The following GPNMB variants were observed in gnomAD, a reference collection of about 807,000 sequenced individuals.
GPNMB encodes transmembrane glycoprotein NMB.
Under a neutral mutation model 57.3 loss-of-function variants are expected in GPNMB, and 71 were observed. The observed-to-expected ratio is 1.24, with a 90% CI of 1.02 to 1.51. The LOEUF (loss-of-function observed/expected upper bound fraction) is 1.51. Among genes scored for constraint, GPNMB ranks in the 40% most tolerant of loss-of-function variants. GPNMB has a pLI of 0.00. For missense variants in GPNMB, 677 were observed against 691.9 expected (o/e 0.98, Z 0.24); for synonymous variants, 253 against 263.2 (o/e 0.96, Z 0.38).
chr7:23,265,291 G>A (rs1454126521), intron 6 of GPNMB, among the ~76,000 whole-genome samples: 1 of 152,230 alleles, frequency 6.6e-6, no homozygotes, highest in Admixed American at 6.5e-5. Flanking sequence ...ATGTCACTAA[G>A]TTAGAGATGC....
chr7:23,256,199 C>T, intron 3 of GPNMB, among the ~76,000 whole-genome samples: 1 of 152,182 alleles, frequency 6.6e-6, no homozygotes, highest in East Asian at 1.9e-4. Context: ...AGCCACTGCA[C>T]CCAGCCTAAA....
At chr7:23,271,833 T>A (rs913397704) in intron 9 of GPNMB, among the ~76,000 whole-genome samples, 8 of 151,750 alleles carry the variant, frequency 5.3e-5, no homozygotes, top group Middle Eastern at 3.4e-3. Flanking sequence ...AAAAAAAAAA[T>A]TTTCTCATTA....
chr7:23,252,793 A>C (rs1782689011), intron 1 of GPNMB, among the ~76,000 whole-genome samples: 1 of 152,188 alleles, frequency 6.6e-6, no homozygotes, highest in Non-Finnish European at 1.5e-5. Flanking sequence ...CACTCTACCC[A>C]ACAAATGTAG....
chr7:23,265,264 C>T (rs1783030575), intron 6 of GPNMB, among the ~76,000 whole-genome samples: 1 of 152,152 alleles, frequency 6.6e-6, no homozygotes. Flanking sequence ...GGAAATCTCC[C>T]AGCCTGCTTC....
chr7:23,255,263 C>T (rs529261248), intron 3 of GPNMB, among the ~76,000 whole-genome samples: 4 of 152,126 alleles, frequency 2.6e-5, no homozygotes, highest in African/African-American at 7.2e-5. Flanking sequence ...GTGGTCCGCC[C>T]GCCTCGGTCT....
At position 23,259,978 on chromosome 7, in the gene GPNMB, A is replaced by G. The variant is rs1224374472; in HGVS notation, c.542-2A>G. 1 of 1,613,976 alleles carries G rather than the reference A, an allele frequency of 6.2e-7. No homozygotes were observed. The highest frequency in any genetic ancestry group is 1.1e-5 in the South Asian group (1 of 91,070). ...TAACTAAAAATTTCCATCCTCCCAA[A>G]GGTCAGTATTTCCAGAAATTGGGAC... On this transcript the variant is annotated splice_acceptor_variant, in intron 4 of 10. Coordinates refer to ENST00000258733, the MANE Select transcript of GPNMB (RefSeq NM_002510.3). LOFTEE classifies it high-confidence loss of function.
At chr7:23,248,843 G>T (rs1056531313) in intron 1 of GPNMB, among the ~76,000 whole-genome samples, 3 of 151,570 alleles carry the variant, frequency 2.0e-5, no homozygotes, top group African/African-American at 7.3e-5. Flanking sequence ...GAGTGCAGTG[G>T]TGTGATCACA....
chr7:23,272,767 G>A (rs748673565), intron 9 of GPNMB, among the ~76,000 whole-genome samples: 2 of 152,012 alleles, frequency 1.3e-5, no homozygotes, highest in African/African-American at 2.4e-5. Flanking sequence ...GTTCTAGATC[G>A]AGTAGAAACC....
chr7:23,264,489 C>T lies in GPNMB; in HGVS notation c.1019-2028C>T, dbSNP rs149630340. ...CTGGGTTCAAGTAATTCTCCTGCTT[C>T]GGCCTCCCTAGTAGCCAGCACTACA... On this transcript the variant is annotated intron_variant, in intron 6 of 10. Coordinates refer to ENST00000258733, the MANE Select transcript of GPNMB (RefSeq NM_002510.3). 4.7e-3 allele frequency among the ~76,000 whole-genome samples: 716 copies of T among 152,142 alleles called. 6 individuals carry two copies. Among genetic ancestry groups the T allele is most frequent in the African/African-American group, 0.016 (667 of 41,494 alleles).
intron 10 of GPNMB, 157 bp from the exon 11 acceptor site, chr7:23,273,908 A>G: frequency 1.7e-6 from 1 of 605,568 alleles, no homozygotes. Context: ...GAACAAGAGT[A>G]AATAAATGTA....
rs1200125442 is a variant in GPNMB at position 23,251,263 on chromosome 7, C to T, written c.71-2044C>T. Among the ~76,000 whole-genome samples, 6 of 152,196 alleles carry T rather than the reference C, an allele frequency of 3.9e-5. No homozygotes were observed. In the South Asian group the frequency reaches 1.0e-3, roughly 26 times the overall value. The stretch of plus-strand genomic sequence containing the variant: ...AGGAATAGAAGGAATAGGTCAGAGA[C>T]ATGCATCCAATATGGCTTCTCTGAG... On this transcript the variant is annotated intron_variant, in intron 1 of 10. Transcript: ENST00000258733.
At chr7:23,264,176 A>G (rs536420822) in intron 6 of GPNMB, among the ~76,000 whole-genome samples, 3 of 152,104 alleles carry the variant, frequency 2.0e-5, no homozygotes, top group East Asian at 3.9e-4. Context: ...ACATCATATC[A>G]TAGAGAACTT....
chr7:23,257,342 C>T, intron 4 of GPNMB: 1 of 582,340 alleles, frequency 1.7e-6, no homozygotes, highest in Non-Finnish European at 3.0e-6. Flanking sequence ...CTACCTAAAA[C>T]CATAACAAGA....
intron 4 of GPNMB, 143 bp from the exon 5 acceptor site, chr7:23,259,837 C>T: frequency 1.5e-6 from 1 of 654,326 alleles, no homozygotes. Flanking sequence ...GCACCATCTC[C>T]CTTTCTGAAG....
rs116065462 is a variant in GPNMB at position 23,260,157 on chromosome 7, A to C, written c.700+19A>C. On this transcript the variant is annotated intron_variant, in intron 5 of 10. Coordinates refer to ENST00000258733, the MANE Select transcript of GPNMB (RefSeq NM_002510.3). ...GTAACAGGTGAGTGGTGTGAACTCT[A>C]ACTGAGGATGAGGCACTTCATTCTG... 1 of 1,611,690 alleles carries C rather than the reference A, an allele frequency of 6.2e-7. No individual in the cohort carries two copies. The highest frequency in any genetic ancestry group is 1.3e-5 in the African/African-American group (1 of 74,838).
At chr7:23,263,715 A>G (rs1197969379) in intron 6 of GPNMB, among the ~76,000 whole-genome samples, 1 of 152,122 alleles carries the variant, frequency 6.6e-6, no homozygotes, top group Non-Finnish European at 1.5e-5. Flanking sequence ...TGTTAGATCA[A>G]TCATAATCAA....
rs140270005 is a variant in GPNMB, at chr7:23,267,349, A to T, written c.1118-537A>T. ...GCTGCATGGATATGTATCCTAAGCTATGGGGGTAGATTGCCAGATCTGATG... is the reference window on the plus strand; with the variant it reads ...GCTGCATGGATATGTATCCTAAGCTTTGGGGGTAGATTGCCAGATCTGATG... On this transcript the variant is annotated intron_variant, in intron 7 of 10. Coordinates refer to ENST00000258733, the MANE Select transcript of GPNMB (RefSeq NM_002510.3). Among the ~76,000 whole-genome samples, 1,510 of 152,330 alleles carry T rather than the reference A, an allele frequency of 9.9e-3. 71 individuals are homozygous for T. Among genetic ancestry groups the T allele is most frequent in the Admixed American group, 0.084 (1,292 of 15,300 alleles).
chr7:23,256,530 G>A (rs1167455546), intron 3 of GPNMB, among the ~76,000 whole-genome samples: 1 of 152,046 alleles, frequency 6.6e-6, no homozygotes, highest in Non-Finnish European at 1.5e-5. Context: ...TGTCAAGTGT[G>A]TCAGGAAAAA....
intron 6 of GPNMB, among the ~76,000 whole-genome samples, chr7:23,263,578 C>T (rs1782982433): frequency 6.7e-6 from 1 of 148,940 alleles, no homozygotes; most frequent in Admixed American, 6.8e-5. Context: ...CGCCATTGCA[C>T]TCCAGCCTGG....
Sources: allele counts gnomAD v4.1 joint callset (sites outside exome capture counted in the v4.1 genomes callset), GRCh38; gene constraint gnomAD v4.1.1; transcripts MANE v1.5; gene names NCBI Gene and HGNC (gene_info 2026-07-23, HGNC 2026-07-21).